Variants in CAMK2G observed in about 807,000 individuals in gnomAD.
CAMK2G encodes the protein calcium/calmodulin-dependent protein kinase type II subunit gamma.
A neutral mutation model predicts 88.7 loss-of-function variants in CAMK2G; 23 were observed. That is an observed-to-expected ratio of 0.26 (90% CI 0.19 to 0.37). The LOEUF (loss-of-function observed/expected upper bound fraction) is 0.37, where lower values mean the gene tolerates loss of function less well. Among genes scored for constraint, CAMK2G ranks in the 10% least tolerant of loss-of-function variants. The pLI is 1.00. For synonymous variants in CAMK2G, 263 were observed against 294.8 expected (o/e 0.89, Z 1.11); for missense variants, 476 against 780.8 (o/e 0.61, Z 4.65).
intron 17 of CAMK2G, among the ~76,000 whole-genome samples, chr10:73,822,653 G>A (rs774128631): frequency 7.9e-5 from 12 of 151,948 alleles, no homozygotes; most frequent in Non-Finnish European, 1.2e-4. Context: ...GGTTCTCCCC[G>A]TCTCACTTTG....
At chr10:73,874,196 C>T (rs866628803) in intron 1 of CAMK2G, among the ~76,000 whole-genome samples, 34 of 144,320 alleles carry the variant, frequency 2.4e-4, no homozygotes, top group African/African-American at 7.2e-4. Context: ...GCAGCGGCCC[C>T]GCCAGTTGCT....
chr10:73,825,202 G>C (rs2090501553), intron 16 of CAMK2G, 77 bp downstream of exon 16: 2 of 1,021,836 alleles, frequency 2.0e-6, no homozygotes, highest in Non-Finnish European at 1.6e-6. Flanking sequence ...GGCCAGGGAG[G>C]GGGCACAAGA....
At chr10:73,815,368 C>CG in intron 21 of CAMK2G, 121 bp from the exon 22 acceptor site, 1 of 665,072 alleles carries the variant, frequency 1.5e-6, no homozygotes, top group Non-Finnish European at 2.6e-6. Context: ...CTCCAAGTAC[C>CG]GCCCCCCCCC....
At chr10:73,826,419 C>T (rs1253372923) in intron 15 of CAMK2G, among the ~76,000 whole-genome samples, 5 of 152,060 alleles carry the variant, frequency 3.3e-5, no homozygotes, top group Admixed American at 6.6e-5. Flanking sequence ...GGCAACAGAG[C>T]AAGACTCCAT....
At position 73,838,818 on chromosome 10, in the gene CAMK2G, C is replaced by T. The variant is rs1474231212; in HGVS notation, c.1009+721G>A. On this transcript the variant is annotated intron_variant, in intron 13 of 22. Coordinates refer to ENST00000423381, the MANE Select transcript of CAMK2G (RefSeq NM_001367534.1). ...GGATCACCTGGGAGCTTAAAAAAAG[C>T]GTACTACCTATCTTATCCCTAAGGG... Among the ~76,000 whole-genome samples the T allele has an allele frequency of 5.9e-5, 9 of 152,316 alleles. 1 individual carries two copies. In the South Asian group the frequency reaches 1.0e-3, roughly 18 times the overall value.
chr10:73,867,639 G>A (rs1565520622), intron 2 of CAMK2G, among the ~76,000 whole-genome samples: 2 of 152,136 alleles, frequency 1.3e-5, no homozygotes, highest in African/African-American at 2.4e-5. Flanking sequence ...GGGGAGGAGT[G>A]GCTGGAAATC....
At chr10:73,861,107 G>A (rs1394991994) in intron 2 of CAMK2G, among the ~76,000 whole-genome samples, 2 of 152,192 alleles carry the variant, frequency 1.3e-5, no homozygotes, top group Admixed American at 6.5e-5. Flanking sequence ...CATGATCGCA[G>A]CCTCAAACTC....
chr10:73,873,935 A>G (rs1231273812), intron 1 of CAMK2G, among the ~76,000 whole-genome samples: 1 of 32,710 alleles, frequency 3.1e-5, no homozygotes, highest in East Asian at 7.8e-4. Flanking sequence ...CTGGAGCGGC[A>G]CCCGCGGGGG....
At position 73,817,473 on chromosome 10, in the gene CAMK2G, A is replaced by G. The variant is rs2086070933; in HGVS notation, c.1439+6T>C. The G allele has an allele frequency of 6.3e-7, 1 of 1,591,870 alleles. No homozygotes were observed. The highest frequency in any genetic ancestry group is 8.6e-7 in the Non-Finnish European group (1 of 1,159,694). The stretch of plus-strand genomic sequence containing the variant: ...AGGTCACAAAAAAAAATGGGTCTCT[A>G]CTTACGTGTAGGCCTCAAAGTCCCC... On this transcript the variant is annotated splice_donor_region_variant and intron_variant, in intron 20 of 22. Coordinates refer to ENST00000423381, the MANE Select transcript of CAMK2G (RefSeq NM_001367534.1).
chr10:73,839,693 C>T lies in CAMK2G; in HGVS notation c.947-92G>A, dbSNP rs577404044. 5.5e-5 allele frequency: 45 copies of T among 814,634 alleles called. No individual in the cohort carries two copies. The highest frequency in any genetic ancestry group is 3.2e-4 in the Middle Eastern group (1 of 3,146). The allele number at this position is 814,634 out of a possible 1,614,324, so 50.5% of individuals were successfully genotyped here. A position where few individuals can be genotyped will look rare whatever the true frequency, so the allele number is the denominator to read the frequency against. On this transcript the variant is annotated intron_variant, in intron 12 of 22. Coordinates refer to ENST00000423381, the MANE Select transcript of CAMK2G (RefSeq NM_001367534.1). This position sits in a 1 kb window ranked among gnomAD's most constrained non-coding sequence, Gnocchi z 4.2. ...GCCCCAGCGCGAGGCGCAGCCCAGG[C>T]GGCGTGGCCAAGCCAGCCGAGCTGG...
At chr10:73,871,888 T>C (rs895279091) in intron 2 of CAMK2G, among the ~76,000 whole-genome samples, 4 of 152,276 alleles carry the variant, frequency 2.6e-5, no homozygotes, top group South Asian at 2.1e-4. Context: ...CGTGGAATTG[T>C]AGAGCTTCTC....
Position 73,842,198 on chromosome 10 carries a change from G to A in CAMK2G, c.917C>T (p.Thr306Met), listed in dbSNP as rs569755156. 9 of 1,612,404 alleles carry A rather than the reference G, an allele frequency of 5.6e-6. No homozygotes were observed. Among genetic ancestry groups the A allele is most frequent in the African/African-American group, 2.7e-5 (2 of 75,004 alleles). ...ARRKLKGAIL[T>M]TMLVSRNFSV... ...GAAGTTCCTGGAGACAAGCATGGTC[G>A]TGAGGATGGCACCCTGGGGAAAGAG... is the stretch of plus-strand genomic sequence containing the variant. The change falls in exon 12 of 23, where the codon ACG becomes ATG. Residue 306 changes from threonine (T) to methionine (M), a missense_variant. This residue lies in a region of CAMK2G where 164 missense variants were observed against 385.6 expected (regional missense o/e 0.43). Coordinates refer to ENST00000423381, the MANE Select transcript of CAMK2G (RefSeq NM_001367534.1). The surrounding 1 kb of genome is among the most constrained non-coding windows in gnomAD (Gnocchi z 4.6).
chr10:73,865,446 T>C (rs2095550770), intron 2 of CAMK2G, among the ~76,000 whole-genome samples: 1 of 152,208 alleles, frequency 6.6e-6, no homozygotes, highest in African/African-American at 2.4e-5. Flanking sequence ...TCCCCGTTCC[T>C]GCTGCCACAT....
intron 1 of CAMK2G, among the ~76,000 whole-genome samples, chr10:73,873,914 G>A (rs1270987440): frequency 4.1e-5 from 6 of 144,776 alleles, no homozygotes; most frequent in Non-Finnish European, 7.7e-5. Flanking sequence ...CCCAGCCGCG[G>A]GGCTGGGAGC....
intron 14 of CAMK2G, among the ~76,000 whole-genome samples, chr10:73,836,704 A>C (rs1171816291): frequency 6.6e-6 from 1 of 152,186 alleles, no homozygotes; most frequent in Admixed American, 6.5e-5. Flanking sequence ...GGGAGGCTTC[A>C]AGATAGCATG....
intron 21 of CAMK2G, chr10:73,816,361 C>A (rs1210689677): frequency 1.7e-5 from 17 of 999,330 alleles, no homozygotes; most frequent in Non-Finnish European, 2.0e-5. Context: ...TATTGTGAAA[C>A]CTGCAGACAC....
rs776441132 is a variant in CAMK2G at position 73,818,891 on chromosome 10, C to T, written c.1363+641G>A. 1.6e-5 allele frequency: 7 copies of T among 449,788 alleles called. 1 individual carries two copies. Among genetic ancestry groups the T allele is most frequent in the South Asian group, 6.2e-5 (4 of 64,326 alleles). 27.9% of individuals were successfully genotyped at this position (449,788 alleles called of 1,614,324 possible). A position where few individuals can be genotyped will look rare whatever the true frequency, so the allele number is the denominator to read the frequency against. ...AGACAAAGGCATCCTCCAGCACAGA[C>T]GTAACTAGAAATATGAGGATGAGCT... On this transcript the variant is annotated intron_variant, in intron 19 of 22. Coordinates refer to ENST00000423381, the MANE Select transcript of CAMK2G (RefSeq NM_001367534.1).
intron 15 of CAMK2G, among the ~76,000 whole-genome samples, chr10:73,825,660 T>C: frequency 6.6e-6 from 1 of 152,066 alleles, no homozygotes; most frequent in Admixed American, 6.6e-5. Context: ...CCCAAAGAAG[T>C]TCAAGATCTT....
chr10:73,873,179 A>T, intron 1 of CAMK2G, 96 bp from the exon 2 acceptor site: 1 of 996,478 alleles, frequency 1.0e-6, no homozygotes, highest in Non-Finnish European at 1.6e-6. Context: ...CCACCACCAG[A>T]CCTCTAGTCA....
Sources: gnomAD v4.1 joint callset for allele counts (sites outside exome capture counted in the v4.1 genomes callset) on GRCh38, gnomAD v4.1.1 for gene constraint, gnomAD v4.1.1 regional missense constraint, Gnocchi (gnomAD v3.1) non-coding constraint, MANE v1.5 for transcripts, NCBI Gene and HGNC (gene_info 2026-07-23, HGNC 2026-07-21) for gene names.